The following AHCTF1 variants were observed in gnomAD, a reference collection of about 807,000 sequenced individuals.
The protein encoded by AHCTF1 is AT-hook containing transcription factor 1, also known as protein ELYS.
AHCTF1 carries 24 observed loss-of-function variants against 248.4 expected under a neutral mutation model. The observed-to-expected ratio is 0.10, with a 90% CI of 0.07 to 0.14. The LOEUF is 0.14. Among genes scored for constraint, AHCTF1 ranks in the 10% least tolerant of loss-of-function variants. AHCTF1 has a pLI of 1.00. For synonymous variants in AHCTF1, 786 were observed against 929.8 expected, an observed-to-expected ratio of 0.85 and a Z score of 2.81; for missense variants, 2,206 against 2,636.2, an observed-to-expected ratio of 0.84 and a Z score of 3.57.
Position 246,849,467 on chromosome 1 carries a change from C to T in AHCTF1, c.6391+148G>A, listed in dbSNP as rs935883744. On this transcript the variant is annotated intron_variant, in intron 33 of 35. Coordinates refer to ENST00000648844, the MANE Select transcript of AHCTF1 (RefSeq NM_001323342.2). Reference sequence around the variant, plus strand: ...TGAACTCAAACTTTGAAACATGAAACCTTTAAACTTTACTACTAAAAGATC... The same window carrying T: ...TGAACTCAAACTTTGAAACATGAAATCTTTAAACTTTACTACTAAAAGATC... The T allele has an allele frequency of 9.3e-6, 9 of 970,198 alleles. No individual in the cohort carries two copies. The African/African-American group carries it at 1.3e-4, about 14-fold the overall frequency. The allele number at this position is 970,198 out of a possible 1,614,324, so 60.1% of individuals were successfully genotyped here. A position where few individuals can be genotyped will look rare whatever the true frequency, so the allele number is the denominator to read the frequency against.
At chr1:246,872,051 C>CAAAA (rs753977798) in intron 24 of AHCTF1, among the ~76,000 whole-genome samples, 879 of 83,660 alleles carry the variant, frequency 0.011, 32 homozygotes, top group African/African-American at 0.03. Flanking sequence ...CTATTAATGA[C>CAAAA]AAAAAAAAAA....
intron 4 of AHCTF1, among the ~76,000 whole-genome samples, chr1:246,910,018 A>G (rs746104489): frequency 6.6e-6 from 1 of 152,230 alleles, no homozygotes; most frequent in Non-Finnish European, 1.5e-5. Context: ...ATGTGAATCC[A>G]CTGATCACTA....
In AHCTF1 at chr1:246,864,192, T is replaced by C. The variant is rs1211122595; in HGVS notation, c.3348-76A>G. ...TTAGTATCCCATTTAATCAGACCTC[T>C]ATATTCACTGGTAACTATGATAGCC... On this transcript the variant is annotated intron_variant, in intron 26 of 35. Transcript: ENST00000648844. 1.2e-5 allele frequency: 16 copies of C among 1,380,940 alleles called. No individual in the cohort carries two copies. The East Asian group carries it at 3.3e-4, about 29-fold the overall frequency. The allele number at this position is 1,380,940 out of a possible 1,614,324, so 85.5% of individuals were successfully genotyped here.
intron 1 of AHCTF1, among the ~76,000 whole-genome samples, chr1:246,929,174 C>T (rs973510677): frequency 1.3e-5 from 2 of 152,010 alleles, no homozygotes; most frequent in South Asian, 2.1e-4. Flanking sequence ...TTTGGTTGGC[C>T]GAGGTGGGCA....
Position 246,890,941 on chromosome 1 carries a change from A to C in AHCTF1, c.2050+15T>G. ...ATGTTTTAATTAATACTTATAGATT[A>C]AGTAAATATTTTACCTATGCCTTCT... On this transcript the variant is annotated intron_variant, in intron 16 of 35. Transcript: ENST00000648844. 6.9e-7 allele frequency: 1 copy of C among 1,453,954 alleles called. No individual in the cohort carries two copies. Among genetic ancestry groups the C allele is most frequent in the Non-Finnish European group, 9.2e-7 (1 of 1,088,644 alleles). The allele number at this position is 1,453,954 out of a possible 1,614,324, so 90.1% of individuals were successfully genotyped here.
intron 5 of AHCTF1, among the ~76,000 whole-genome samples, chr1:246,906,838 T>C (rs1322488925): frequency 6.6e-6 from 1 of 152,202 alleles, no homozygotes; most frequent in East Asian, 1.9e-4. Flanking sequence ...CACAAGTATT[T>C]TGTAACTTTG....
At chr1:246,872,365 G>C (rs1348003133) in intron 24 of AHCTF1, among the ~76,000 whole-genome samples, 1 of 151,806 alleles carries the variant, frequency 6.6e-6, no homozygotes, top group Non-Finnish European at 1.5e-5. Flanking sequence ...AAAACTTCAG[G>C]TACCTACTAG....
intron 4 of AHCTF1, 117 bp downstream of exon 4, chr1:246,913,115 T>C (rs1269065495): frequency 3.8e-6 from 3 of 793,362 alleles, no homozygotes; most frequent in East Asian, 5.8e-5. Flanking sequence ...TTTTTATAGA[T>C]AGGAAGATAT....
chr1:246,863,784 T>TGA, intron 27 of AHCTF1, 140 bp downstream of exon 27: 1 of 823,470 alleles, frequency 1.2e-6, no homozygotes, highest in Non-Finnish European at 1.9e-6. Flanking sequence ...TTAGAAGATG[T>TGA]GAAAACATAA....
rs970544782 is a variant in AHCTF1 at position 246,898,486 on chromosome 1, T to A, written c.1495-150A>T. 12 of 891,346 alleles carry A rather than the reference T, an allele frequency of 1.3e-5. No homozygotes were observed. The African/African-American group carries it at 1.9e-4, about 14-fold the overall frequency. 55.2% of individuals were successfully genotyped at this position (891,346 alleles called of 1,614,324 possible). A position where few individuals can be genotyped will look rare whatever the true frequency, so the allele number is the denominator to read the frequency against. ...TATATTTCCTGCAAGAAACAGAGTTTATAGGTTCTTAAGCTTAACCAATGC... is the reference window on the plus strand; with the variant it reads ...TATATTTCCTGCAAGAAACAGAGTTAATAGGTTCTTAAGCTTAACCAATGC... On this transcript the variant is annotated intron_variant, in intron 11 of 35. Transcript: ENST00000648844.
intron 19 of AHCTF1, 137 bp from the exon 20 acceptor site, chr1:246,887,494 G>A: frequency 1.2e-6 from 1 of 842,062 alleles, no homozygotes; most frequent in South Asian, 2.0e-5. Flanking sequence ...AAGCCATCAT[G>A]GAGAGTCAGC....
At chr1:246,858,239 A>G (rs563230390) in intron 29 of AHCTF1, among the ~76,000 whole-genome samples, 4 of 152,170 alleles carry the variant, frequency 2.6e-5, no homozygotes, top group South Asian at 2.1e-4. Flanking sequence ...GATTACAGGC[A>G]TGAGCCACTG....
intron 26 of AHCTF1, 196 bp from the exon 27 acceptor site, chr1:246,864,312 A>G (rs1661795170): frequency 1.8e-6 from 1 of 554,978 alleles, no homozygotes; most frequent in Non-Finnish European, 3.1e-6. Flanking sequence ...AGAATTAAGA[A>G]CTGCACATAG....
At chr1:246,895,099 C>A (rs1204526987) in intron 13 of AHCTF1, among the ~76,000 whole-genome samples, 1 of 151,604 alleles carries the variant, frequency 6.6e-6, no homozygotes, top group Admixed American at 6.6e-5. Flanking sequence ...ATTATAAAAA[C>A]AATTACATAC....
chr1:246,841,639 T>C (rs1402222283), intron 35 of AHCTF1, among the ~76,000 whole-genome samples: 1 of 152,166 alleles, frequency 6.6e-6, no homozygotes, highest in East Asian at 1.9e-4. Flanking sequence ...GATTTTAAAG[T>C]GTATAATTGT....
chr1:246,868,836 T>C (rs1662248199), intron 24 of AHCTF1, among the ~76,000 whole-genome samples: 1 of 128,360 alleles, frequency 7.8e-6, no homozygotes, highest in Non-Finnish European at 1.5e-5. Flanking sequence ...TCATTGTGTG[T>C]GTGTTTTTTG....
At chr1:246,915,932 A>G (rs1206121957) in intron 3 of AHCTF1, among the ~76,000 whole-genome samples, 1 of 152,246 alleles carries the variant, frequency 6.6e-6, no homozygotes, top group African/African-American at 2.4e-5. Context: ...TAAGAAAGTT[A>G]CATTTTAAAT....
chr1:246,931,262 G>A lies in AHCTF1; in HGVS notation c.-8+316C>T, dbSNP rs1005257921. The A allele has an allele frequency of 5.7e-5, 89 of 1,549,064 alleles. 1 individual carries two copies. The highest frequency in any genetic ancestry group is 2.4e-5 in the Non-Finnish European group (27 of 1,146,512). On this transcript the variant is annotated intron_variant, in intron 1 of 35. Coordinates refer to ENST00000648844, the MANE Select transcript of AHCTF1 (RefSeq NM_001323342.2). ...AACAGTGGGAAAGGGTCGCGGCCCCGGCCGTCCGTAAAGGGACCCGACTGC... is the reference window on the plus strand; with the variant it reads ...AACAGTGGGAAAGGGTCGCGGCCCCAGCCGTCCGTAAAGGGACCCGACTGC...
chr1:246,842,644 G>A (rs753558183), intron 35 of AHCTF1, 50 bp downstream of exon 35: 26 of 1,491,274 alleles, frequency 1.7e-5, no homozygotes, highest in Admixed American at 3.4e-5. Flanking sequence ...GGGACAGAGC[G>A]AGACTGTCTC....
Sources: gnomAD v4.1 joint callset for allele counts (sites outside exome capture counted in the v4.1 genomes callset) on GRCh38, gnomAD v4.1.1 for gene constraint, MANE v1.5 for transcripts, NCBI Gene and HGNC (gene_info 2026-07-23, HGNC 2026-07-21) for gene names.